Variants in RPH3AL observed in about 807,000 individuals in gnomAD.
The protein encoded by RPH3AL is rab effector Noc2.
In RPH3AL, 38 loss-of-function variants were observed where a neutral mutation model predicts 43.1. The observed-to-expected ratio is 0.88, with a 90% CI of 0.68 to 1.15. RPH3AL has a LOEUF of 1.15. Ranked by LOEUF, RPH3AL falls within the 50% of genes most tolerant of loss-of-function variation. The pLI is 0.00. For synonymous variants in RPH3AL, 189 were observed against 176.3 expected (o/e 1.07, Z -0.57); for missense variants, 462 against 423.2 (o/e 1.09, Z -0.81).
At chr17:224,785 T>C (rs971797220) in intron 7 of RPH3AL, among the ~76,000 whole-genome samples, 2 of 151,950 alleles carry the variant, frequency 1.3e-5, no homozygotes, top group Admixed American at 6.5e-5. Flanking sequence ...TATGCAGCCA[T>C]AAAAAAGGAT....
intron 7 of RPH3AL, among the ~76,000 whole-genome samples, chr17:241,711 C>CTTTTTT (rs1001979455): frequency 8.6e-5 from 8 of 92,770 alleles, no homozygotes; most frequent in Non-Finnish European, 1.1e-4. Context: ...GTTTCTTTTT[C>CTTTTTT]TTTTTTTTTC....
intron 5 of RPH3AL, among the ~76,000 whole-genome samples, chr17:312,031 C>T (rs2043658189): frequency 6.6e-6 from 1 of 152,092 alleles, no homozygotes; most frequent in South Asian, 2.1e-4. Context: ...AGGCCGGGTG[C>T]TGTGGCTCAC....
At chr17:243,665 C>T (rs373291358) in intron 7 of RPH3AL, among the ~76,000 whole-genome samples, 2,370 of 107,960 alleles carry the variant, frequency 0.022, 3 homozygotes, top group South Asian at 0.034. Flanking sequence ...CCTCTATTGA[C>T]TACCTTCCTC....
At position 246,424 on chromosome 17, in the gene RPH3AL, G is replaced by T. The variant is rs979124306; in HGVS notation, c.613+687C>A. 1.3e-5 allele frequency among the ~76,000 whole-genome samples: 2 copies of T among 152,104 alleles called. No homozygotes were observed. Among genetic ancestry groups the T allele is most frequent in the African/African-American group, 4.8e-5 (2 of 41,420 alleles). The stretch of plus-strand genomic sequence containing the variant: ...CCAGCTCGGCCACACACCTGCCGAG[G>T]AAGTCCCTCCTCTTCTCTGAGCCGC... On this transcript the variant is annotated intron_variant, in intron 7 of 9. Coordinates refer to ENST00000331302, the MANE Select transcript of RPH3AL (RefSeq NM_006987.4). This position sits in a 1 kb window ranked among gnomAD's most constrained non-coding sequence, Gnocchi z 4.8.
intron 2 of RPH3AL, among the ~76,000 whole-genome samples, chr17:330,768 C>T (rs1356378540): frequency 2.0e-5 from 3 of 151,546 alleles, no homozygotes; most frequent in Non-Finnish European, 4.4e-5. Flanking sequence ...CCCAGCTATT[C>T]GGGAGGCCGA....
chr17:315,639 C>A (rs201394543), intron 5 of RPH3AL, among the ~76,000 whole-genome samples: 290 of 148,800 alleles, frequency 1.9e-3, no homozygotes, highest in African/African-American at 4.8e-3. Context: ...CCTCCACTGA[C>A]CTGTAGTCCC....
Position 321,264 on chromosome 17 carries a change from C to A in RPH3AL, c.221+8G>T. On this transcript the variant is annotated splice_region_variant and intron_variant, in intron 4 of 9. Transcript: ENST00000331302. ...CCTCCCACTGAGCTGGCCCCGGCCC[C>A]GCCTCACCCGATTCTCTGCTGCTCC... 1 of 1,604,222 alleles carries A rather than the reference C, an allele frequency of 6.2e-7. No homozygotes were observed. The highest frequency in any genetic ancestry group is 1.1e-5 in the South Asian group (1 of 90,842).
intron 5 of RPH3AL, among the ~76,000 whole-genome samples, chr17:309,516 C>T (rs2043585182): frequency 3.9e-5 from 1 of 25,796 alleles, no homozygotes; most frequent in Non-Finnish European, 1.1e-4. Flanking sequence ...GTCCCCCGCC[C>T]TGCCCAGGGC....
intron 6 of RPH3AL, among the ~76,000 whole-genome samples, chr17:262,405 G>A (rs570798446): frequency 7.4e-4 from 113 of 152,218 alleles, no homozygotes; most frequent in Middle Eastern, 3.4e-3. Flanking sequence ...TAGTAGAGAC[G>A]GGGTTTCACC....
intron 7 of RPH3AL, among the ~76,000 whole-genome samples, chr17:242,271 T>G (rs1206312140): frequency 3.0e-5 from 4 of 132,564 alleles, no homozygotes; most frequent in African/African-American, 1.1e-4. Flanking sequence ...ATTGATTACC[T>G]TCCTCTATTG....
At chr17:338,653 C>G (rs931022597) in intron 1 of RPH3AL, 2 of 152,174 alleles carry the variant, frequency 1.3e-5, no homozygotes, top group African/African-American at 4.8e-5. Context: ...CAGTATCGAG[C>G]ATTCATGCTA....
chr17:220,306 T>G (rs878861125), intron 7 of RPH3AL, among the ~76,000 whole-genome samples: 1 of 150,022 alleles, frequency 6.7e-6, no homozygotes, highest in Admixed American at 6.6e-5. Context: ...ACTGAGACAA[T>G]AGGCCCAAGC....
chr17:311,612 A>T (rs573948032), intron 5 of RPH3AL, among the ~76,000 whole-genome samples: 2 of 152,242 alleles, frequency 1.3e-5, no homozygotes, highest in East Asian at 1.9e-4. Context: ...GATCCCCCCA[A>T]CCCAGGATTG....
chr17:351,033 C>G (rs576956673), intron 1 of RPH3AL, among the ~76,000 whole-genome samples: 3 of 152,278 alleles, frequency 2.0e-5, no homozygotes, highest in East Asian at 1.9e-4. Flanking sequence ...ATGCTCCCCC[C>G]TTCTAGGACT....
At chr17:239,309 C>T (rs991663404) in intron 7 of RPH3AL, among the ~76,000 whole-genome samples, 1 of 152,152 alleles carries the variant, frequency 6.6e-6, no homozygotes, top group Non-Finnish European at 1.5e-5. Flanking sequence ...TTTAACATTT[C>T]GATCTTACCT....
intron 5 of RPH3AL, among the ~76,000 whole-genome samples, chr17:284,611 CA>C (rs1266912647): frequency 6.6e-6 from 1 of 152,006 alleles, no homozygotes; most frequent in Non-Finnish European, 1.5e-5. Context: ...GAGAGGTTTC[CA>C]GCTGTCAGCA....
chr17:250,409 G>A (rs151240635), intron 6 of RPH3AL, among the ~76,000 whole-genome samples: 1,838 of 142,234 alleles, frequency 0.013, 64 homozygotes, highest in African/African-American at 0.047. Flanking sequence ...CCGTCGCTGC[G>A]GGACCTCTCA....
At chr17:304,785 G>A (rs2151642943) in intron 5 of RPH3AL, among the ~76,000 whole-genome samples, 1 of 151,806 alleles carries the variant, frequency 6.6e-6, no homozygotes, top group South Asian at 2.1e-4. Context: ...CTGCCCCACG[G>A]AGCCATTTAC....
intron 5 of RPH3AL, among the ~76,000 whole-genome samples, chr17:313,776 A>G (rs889344949): frequency 6.6e-6 from 1 of 152,108 alleles, no homozygotes; most frequent in Non-Finnish European, 1.5e-5. Flanking sequence ...GCTATTATTT[A>G]CAGAATGAAT....
Sources: allele counts gnomAD v4.1 joint callset (sites outside exome capture counted in the v4.1 genomes callset), GRCh38; gene constraint gnomAD v4.1.1; non-coding constraint Gnocchi (gnomAD v3.1); transcripts MANE v1.5; gene names NCBI Gene and HGNC (gene_info 2026-07-23, HGNC 2026-07-21).